The following DSCAM variants were observed in gnomAD, a reference collection of about 807,000 sequenced individuals.
The protein encoded by DSCAM is cell adhesion molecule DSCAM.
Under a neutral mutation model 217.7 loss-of-function variants are expected in DSCAM, and 47 were observed. The observed-to-expected ratio is 0.22, with a 90% confidence interval of 0.17 to 0.28. The LOEUF (loss-of-function observed/expected upper bound fraction) is 0.28, where lower values mean the gene tolerates loss of function less well. Ranked by LOEUF, DSCAM falls within the 10% of genes least tolerant of loss-of-function variation. DSCAM has a pLI of 1.00. For missense variants in DSCAM, 2,080 were observed against 2,618.3 expected, an observed-to-expected ratio of 0.79 and a Z score of 4.49; for synonymous variants, 1,056 against 1,015.3, an observed-to-expected ratio of 1.04 and a Z score of -0.76.
At chr21:40,803,144 T>C (rs761736883) in intron 1 of DSCAM, among the ~76,000 whole-genome samples, 1 of 152,212 alleles carries the variant, frequency 6.6e-6, no homozygotes, top group Non-Finnish European at 1.5e-5. Context: ...CCCCTAAATT[T>C]CTTTCCTCAA....
intron 28 of DSCAM, among the ~76,000 whole-genome samples, chr21:40,061,435 G>A (rs2089118081): frequency 6.6e-6 from 1 of 152,050 alleles, no homozygotes; most frequent in Non-Finnish European, 1.5e-5. Flanking sequence ...CAGGCATGGT[G>A]GCGGGCGCCT....
At chr21:40,359,455 A>G (rs1193674169) in intron 4 of DSCAM, among the ~76,000 whole-genome samples, 1 of 152,250 alleles carries the variant, frequency 6.6e-6, no homozygotes, top group Non-Finnish European at 1.5e-5. Context: ...TCAATTTGCC[A>G]TAAGGCCCCA....
intron 8 of DSCAM, among the ~76,000 whole-genome samples, chr21:40,316,730 A>G (rs1022134331): frequency 1.3e-5 from 2 of 152,202 alleles, no homozygotes; most frequent in Admixed American, 6.5e-5. Flanking sequence ...TTCACTCTAC[A>G]TAATGGCGGG....
Position 40,769,608 on chromosome 21 carries a change from C to T in DSCAM, c.44-60837G>A, listed in dbSNP as rs546077782. On this transcript the variant is annotated intron_variant, in intron 1 of 32. Transcript: ENST00000400454. The stretch of plus-strand genomic sequence containing the variant: ...CATCTGCCAAGAGTCTTGTGCTTAA[C>T]TGTGTATCACGACAGACTCTTTCCC... Among the ~76,000 whole-genome samples, 9 of 152,366 alleles carry T rather than the reference C, an allele frequency of 5.9e-5. No individual in the cohort carries two copies. In the South Asian group the frequency reaches 1.9e-3, roughly 32 times the overall value.
intron 1 of DSCAM, among the ~76,000 whole-genome samples, chr21:40,802,667 T>C (rs1182378780): frequency 6.6e-6 from 1 of 152,160 alleles, no homozygotes; most frequent in Non-Finnish European, 1.5e-5. Flanking sequence ...CATTTGTGGC[T>C]TCGTAACAGG....
Position 40,144,523 on chromosome 21 carries a change from G to A in DSCAM, c.3227C>T (p.Ser1076Phe). 1 of 1,614,204 alleles carries A rather than the reference G, an allele frequency of 6.2e-7. No homozygotes were observed. Among genetic ancestry groups the A allele is most frequent in the Non-Finnish European group, 8.5e-7 (1 of 1,180,030 alleles). The part of the protein sequence containing the change: ...ACNRAGTGPS[S>F]QEIITTTLED... ...GAGAGTGGTGGTGATGATTTCCTGAGAAGAAGGCCCCGTGCCGGCCCGGTT... is the reference window on the plus strand; with the variant it reads ...GAGAGTGGTGGTGATGATTTCCTGAAAAGAAGGCCCCGTGCCGGCCCGGTT... Residue 1076 changes from serine (S) to phenylalanine (F), a missense_variant, in exon 17 of 33, where the codon TCT becomes TTT. Coordinates refer to ENST00000400454, the MANE Select transcript of DSCAM (RefSeq NM_001389.5). The surrounding 1 kb of genome is among the most constrained non-coding windows in gnomAD (Gnocchi z 4.8).
intron 1 of DSCAM, among the ~76,000 whole-genome samples, chr21:40,754,400 G>T (rs529564608): frequency 6.6e-6 from 1 of 152,264 alleles, no homozygotes; most frequent in Non-Finnish European, 1.5e-5. Flanking sequence ...TGAGGTAGTT[G>T]GTTTCAGGAA....
chr21:40,117,948 T>TAC (rs10534527), intron 20 of DSCAM, among the ~76,000 whole-genome samples: 13,571 of 150,776 alleles, frequency 0.09, 677 homozygotes, highest in Non-Finnish European at 0.12. Flanking sequence ...CCAATACGTG[T>TAC]ACACACACAC....
At chr21:40,172,097 G>A (rs887773722) in intron 15 of DSCAM, among the ~76,000 whole-genome samples, 1 of 152,152 alleles carries the variant, frequency 6.6e-6, no homozygotes, top group South Asian at 2.1e-4. Flanking sequence ...GGTGAAACAT[G>A]GTCTCTACTA....
chr21:40,144,361 G>C lies in DSCAM; in HGVS notation c.3259+130C>G, dbSNP rs1601379879. ...GTCACGAGGGAAGGCTTTTCCACCC[G>C]AGACCCCAGGCCCTGCAGGTCACTG... is the stretch of plus-strand genomic sequence containing the variant. On this transcript the variant is annotated intron_variant, in intron 17 of 32. Coordinates refer to ENST00000400454, the MANE Select transcript of DSCAM (RefSeq NM_001389.5). The surrounding 1 kb of genome is among the most constrained non-coding windows in gnomAD (Gnocchi z 4.8). The C allele has an allele frequency of 7.0e-7, 1 of 1,433,686 alleles. No individual in the cohort carries two copies. Among genetic ancestry groups the C allele is most frequent in the Non-Finnish European group, 9.4e-7 (1 of 1,059,848 alleles). The allele number at this position is 1,433,686 out of a possible 1,614,324, so 88.8% of individuals were successfully genotyped here. A position where few individuals can be genotyped will look rare whatever the true frequency, so the allele number is the denominator to read the frequency against.
intron 8 of DSCAM, among the ~76,000 whole-genome samples, chr21:40,328,941 G>T (rs745754204): frequency 1.3e-5 from 2 of 152,150 alleles, no homozygotes; most frequent in Non-Finnish European, 2.9e-5. Flanking sequence ...TCAGGGAAAT[G>T]CAAACTAAAA....
At chr21:40,534,738 GTTACTCAATAA>G (rs1488399153) in intron 3 of DSCAM, among the ~76,000 whole-genome samples, 2 of 152,088 alleles carry the variant, frequency 1.3e-5, no homozygotes, top group African/African-American at 4.8e-5. Context: ...AATCTATTAT[GTTACTCAATAA>G]TTTTATGTAA....
chr21:40,220,044 A>G (rs1052203529), intron 11 of DSCAM, among the ~76,000 whole-genome samples: 3 of 152,242 alleles, frequency 2.0e-5, no homozygotes, highest in African/African-American at 7.2e-5. Flanking sequence ...AAACAGCTGT[A>G]AACTGTTTTC....
chr21:40,739,923 G>C (rs1342251536), intron 1 of DSCAM, among the ~76,000 whole-genome samples: 1 of 146,702 alleles, frequency 6.8e-6, no homozygotes, highest in Non-Finnish European at 1.5e-5. Context: ...ATGTCCATTG[G>C]GAAAGGCCAC....
In DSCAM at chr21:40,452,186, A is replaced by G. The variant is rs192912667; in HGVS notation, c.509-82941T>C. 8.6e-5 allele frequency among the ~76,000 whole-genome samples: 13 copies of G among 151,976 alleles called. No homozygotes were observed. The East Asian group carries it at 2.5e-3, about 29-fold the overall frequency. Reference sequence around the variant, plus strand: ...CTATATGTACTATATATAGATACAGAGCACTATATAATATCTATAATAGTA... The same window carrying G: ...CTATATGTACTATATATAGATACAGGGCACTATATAATATCTATAATAGTA... On this transcript the variant is annotated intron_variant, in intron 3 of 32. Coordinates refer to ENST00000400454, the MANE Select transcript of DSCAM (RefSeq NM_001389.5).
intron 20 of DSCAM, among the ~76,000 whole-genome samples, chr21:40,094,089 T>C (rs1044157010): frequency 6.6e-6 from 1 of 152,270 alleles, no homozygotes; most frequent in South Asian, 2.1e-4. Context: ...TGGCCACCAA[T>C]AAATAATTTA....
At chr21:40,059,792 C>G (rs1480882424) in intron 28 of DSCAM, among the ~76,000 whole-genome samples, 1 of 152,176 alleles carries the variant, frequency 6.6e-6, no homozygotes. Context: ...AGAGCACAGA[C>G]TTGTGGTTCG....
intron 2 of DSCAM, among the ~76,000 whole-genome samples, chr21:40,705,353 G>A (rs975925068): frequency 6.6e-6 from 1 of 152,136 alleles, no homozygotes; most frequent in African/African-American, 2.4e-5. Context: ...TTCCTCTACT[G>A]CCTGAGGTCC....
intron 32 of DSCAM, among the ~76,000 whole-genome samples, chr21:40,041,850 A>T (rs1264225996): frequency 6.6e-6 from 1 of 152,106 alleles, no homozygotes; most frequent in Non-Finnish European, 1.5e-5. Flanking sequence ...CACATTTTTG[A>T]CAGTCTTCTC....
Sources: gnomAD v4.1 joint callset for allele counts (sites outside exome capture counted in the v4.1 genomes callset) on GRCh38, gnomAD v4.1.1 for gene constraint, Gnocchi (gnomAD v3.1) non-coding constraint, MANE v1.5 for transcripts, NCBI Gene and HGNC (gene_info 2026-07-23, HGNC 2026-07-21) for gene names.